Variants in SYN3 observed in about 807,000 individuals in gnomAD.
The protein encoded by SYN3 is synapsin III.
SYN3 carries 35 observed loss-of-function variants against 65.8 expected under a neutral mutation model. The ratio of observed to expected loss-of-function variants is 0.53; its 90% confidence interval spans 0.41 to 0.70. SYN3 has a LOEUF of 0.70. Among genes scored for constraint, SYN3 ranks in the 30% least tolerant of loss-of-function variants. The pLI is 0.00. For missense variants in SYN3, 680 were observed against 749.0 expected, an observed-to-expected ratio of 0.91 and a Z score of 1.08; for synonymous variants, 270 against 292.9, an observed-to-expected ratio of 0.92 and a Z score of 0.80.
At chr22:33,039,817 G>C (rs1396929760) in intron 1 of SYN3, among the ~76,000 whole-genome samples, 1 of 152,064 alleles carries the variant, frequency 6.6e-6, no homozygotes, top group Non-Finnish European at 1.5e-5. Flanking sequence ...TACTTTTGTA[G>C]TGTATTACTT....
At chr22:32,968,908 T>G (rs1484580833) in intron 3 of SYN3, among the ~76,000 whole-genome samples, 1 of 152,162 alleles carries the variant, frequency 6.6e-6, no homozygotes, top group East Asian at 1.9e-4. Flanking sequence ...AGGTGCTCGG[T>G]GAGTGCTTCT....
chr22:32,673,301 T>C (rs2060396741), intron 6 of SYN3, among the ~76,000 whole-genome samples: 1 of 152,020 alleles, frequency 6.6e-6, no homozygotes. Context: ...GGAGGCAGCT[T>C]CTCCTTCTCA....
intron 2 of SYN3, among the ~76,000 whole-genome samples, chr22:32,984,305 T>C (rs1247542714): frequency 6.6e-6 from 1 of 152,150 alleles, no homozygotes; most frequent in South Asian, 2.1e-4. Context: ...TTCTTTGCAC[T>C]CTACCCAGCA....
At chr22:32,990,951 CAAGGT>C (rs1039260686) in intron 2 of SYN3, among the ~76,000 whole-genome samples, 1 of 151,978 alleles carries the variant, frequency 6.6e-6, no homozygotes, top group Admixed American at 6.6e-5. Context: ...TTTGGGAGAC[CAAGGT>C]GGGCAGATCA....
chr22:32,982,286 T>C (rs966939521), intron 2 of SYN3, among the ~76,000 whole-genome samples: 15 of 152,068 alleles, frequency 9.9e-5, no homozygotes, highest in African/African-American at 3.6e-4. Flanking sequence ...TCTATTTTTC[T>C]ATTTGTCTAA....
intron 2 of SYN3, among the ~76,000 whole-genome samples, chr22:32,993,120 G>A (rs1029924844): frequency 1.3e-5 from 2 of 152,086 alleles, no homozygotes; most frequent in South Asian, 2.1e-4. Flanking sequence ...GATTTATCCC[G>A]AGACTGTTCC....
At chr22:32,881,778 G>A (rs2049144753) in intron 4 of SYN3, among the ~76,000 whole-genome samples, 1 of 152,058 alleles carries the variant, frequency 6.6e-6, no homozygotes, top group Non-Finnish European at 1.5e-5. Flanking sequence ...CCTTGAGGCC[G>A]GGCACAGTGG....
At chr22:33,049,992 A>C (rs1206581419) in intron 1 of SYN3, among the ~76,000 whole-genome samples, 1 of 152,124 alleles carries the variant, frequency 6.6e-6, no homozygotes, top group Non-Finnish European at 1.5e-5. Context: ...AACTAAATGC[A>C]ACTCACTCAC....
chr22:32,879,734 C>G (rs1316755052), intron 4 of SYN3, among the ~76,000 whole-genome samples: 1 of 152,226 alleles, frequency 6.6e-6, no homozygotes, highest in Non-Finnish European at 1.5e-5. Context: ...GACCCCTTCC[C>G]TGAGTACCTA....
chr22:32,867,296 T>C (rs570953804), intron 5 of SYN3, among the ~76,000 whole-genome samples: 13 of 152,326 alleles, frequency 8.5e-5, no homozygotes, highest in African/African-American at 2.4e-4. Flanking sequence ...TATTGCATAT[T>C]TGGCATAAGT....
intron 6 of SYN3, among the ~76,000 whole-genome samples, chr22:32,713,869 C>G (rs1244022965): frequency 1.3e-5 from 2 of 151,172 alleles, no homozygotes; most frequent in African/African-American, 4.9e-5. Context: ...TCCCAGGGAG[C>G]ACCAAATCTG....
At chr22:32,994,069 C>T (rs562960235) in intron 2 of SYN3, among the ~76,000 whole-genome samples, 11 of 152,234 alleles carry the variant, frequency 7.2e-5, no homozygotes, top group Admixed American at 2.0e-4. Flanking sequence ...GCAGGGGCAC[C>T]GGGCCGCTGG....
intron 2 of SYN3, among the ~76,000 whole-genome samples, chr22:32,989,499 C>T (rs1032232656): frequency 1.3e-5 from 2 of 152,110 alleles, no homozygotes; most frequent in African/African-American, 4.8e-5. Context: ...TGTCTAATCC[C>T]TGGGAACTCC....
intron 4 of SYN3, among the ~76,000 whole-genome samples, chr22:32,902,977 A>G (rs1320040174): frequency 1.3e-5 from 2 of 152,196 alleles, no homozygotes; most frequent in African/African-American, 4.8e-5. Flanking sequence ...AAAATGTGAC[A>G]GTGCCAGAAT....
At chr22:32,826,490 G>C (rs1167106477) in intron 6 of SYN3, among the ~76,000 whole-genome samples, 14 of 152,012 alleles carry the variant, frequency 9.2e-5, no homozygotes, top group African/African-American at 3.1e-4. Flanking sequence ...AAAATAAAGA[G>C]CATGGAGAAA....
At chr22:33,057,935 G>A (rs1391042667) in intron 1 of SYN3, 1 of 152,442 alleles carries the variant, frequency 6.6e-6, no homozygotes, top group Admixed American at 6.5e-5. Flanking sequence ...CGGCCGCTGC[G>A]GTTCCTGGTT....
At chr22:32,905,433 G>A (rs986660726) in intron 4 of SYN3, among the ~76,000 whole-genome samples, 1 of 152,164 alleles carries the variant, frequency 6.6e-6, no homozygotes, top group Non-Finnish European at 1.5e-5. Flanking sequence ...GAAGACAAAG[G>A]GGGACAGAGG....
chr22:32,752,829 G>C (rs1033090868), intron 6 of SYN3, among the ~76,000 whole-genome samples: 6 of 152,218 alleles, frequency 3.9e-5, no homozygotes, highest in African/African-American at 1.4e-4. Flanking sequence ...TGAATGCCAT[G>C]TTTTACCATG....
At chr22:32,670,904 G>T (rs2147061770) in intron 6 of SYN3, among the ~76,000 whole-genome samples, 1 of 152,346 alleles carries the variant, frequency 6.6e-6, no homozygotes, top group East Asian at 1.9e-4. Context: ...TCCTAAAAAG[G>T]CAGCGCTGAC....
Sources: allele counts gnomAD v4.1 joint callset (sites outside exome capture counted in the v4.1 genomes callset), GRCh38; gene constraint gnomAD v4.1.1; transcripts MANE v1.5; gene names NCBI Gene and HGNC (gene_info 2026-07-23, HGNC 2026-07-21).